CLVS2: variants seen among roughly 807,000 people sequenced by gnomAD.
The protein encoded by CLVS2 is clavesin-2.
In CLVS2, 19 loss-of-function variants were observed where a neutral mutation model predicts 29.0. That is an observed-to-expected ratio of 0.66 (90% CI 0.46 to 0.96). CLVS2 has a LOEUF of 0.96. CLVS2 is among the 40% of genes least tolerant of loss of function. The pLI, the probability that CLVS2 is intolerant of heterozygous loss-of-function variation, is 0.00. For synonymous variants in CLVS2, 161 were observed against 151.3 expected (o/e 1.06, Z -0.47); for missense variants, 294 against 404.1 (o/e 0.73, Z 2.34).
chr6:123,005,901 GTAAAA>G (rs1214548775), intron 2 of CLVS2, among the ~76,000 whole-genome samples: 2 of 152,164 alleles, frequency 1.3e-5, no homozygotes. Context: ...GTAGATATAG[GTAAAA>G]TAAAGCAGCA....
At position 123,017,985 on chromosome 6, in the gene CLVS2, C is replaced by T. The variant is rs193122608; in HGVS notation, c.564+6826C>T. On this transcript the variant is annotated intron_variant, in intron 3 of 5. Transcript: ENST00000275162. ...TACTAATTATTAATAAAATTTAATACTTCTACACCTTCAACCACTGACAAT... is the reference window on the plus strand; with the variant it reads ...TACTAATTATTAATAAAATTTAATATTTCTACACCTTCAACCACTGACAAT... Among the ~76,000 whole-genome samples the T allele has an allele frequency of 1.4e-3, 208 of 152,130 alleles. No individual in the cohort carries two copies. In the Middle Eastern group the frequency reaches 0.024, roughly 18 times the overall value.
At chr6:123,016,337 T>C (rs1021274110) in intron 3 of CLVS2, among the ~76,000 whole-genome samples, 5 of 59,982 alleles carry the variant, frequency 8.3e-5, no homozygotes, top group African/African-American at 4.1e-4. Context: ...ACGTGCTTTT[T>C]TTGGGGGGGA....
intron 2 of CLVS2, among the ~76,000 whole-genome samples, chr6:123,010,698 T>C (rs1408903790): frequency 6.6e-6 from 1 of 152,006 alleles, no homozygotes; most frequent in African/African-American, 2.4e-5. Context: ...TTTGGGTTAG[T>C]TGAATGAGAT....
chr6:123,023,559 T>C (rs982989147), intron 3 of CLVS2, among the ~76,000 whole-genome samples: 2 of 152,140 alleles, frequency 1.3e-5, no homozygotes, highest in African/African-American at 4.8e-5. Flanking sequence ...AGAGAATTGA[T>C]GTACTGTGAT....
intron 3 of CLVS2, among the ~76,000 whole-genome samples, chr6:123,015,791 C>T (rs533220916): frequency 7.0e-4 from 107 of 152,072 alleles, no homozygotes; most frequent in African/African-American, 2.4e-3. Flanking sequence ...TATTAGCCTC[C>T]CAGTTCTCTA....
At position 123,041,120 on chromosome 6, in the gene CLVS2, A is replaced by G. The variant is rs6905164; in HGVS notation, c.565-7502A>G. On this transcript the variant is annotated intron_variant, in intron 3 of 5. Transcript: ENST00000275162. ...TTAATTAGAAATAATGCCCAAGTGA[A>G]ATGATGTTGTCTGATAGGCTCCTCT... Among the ~76,000 whole-genome samples the G allele has an allele frequency of 4.4e-3, 677 of 152,246 alleles. 5 individuals are homozygous for G. The highest frequency in any genetic ancestry group is 0.015 in the African/African-American group (633 of 41,530).
chr6:123,017,663 T>C (rs969364920), intron 3 of CLVS2, among the ~76,000 whole-genome samples: 6 of 152,244 alleles, frequency 3.9e-5, no homozygotes, highest in Admixed American at 3.9e-4. Context: ...AGTAGGACGT[T>C]GTAAGTCTTT....
At chr6:123,044,569 T>C (rs1403950468) in intron 3 of CLVS2, among the ~76,000 whole-genome samples, 2 of 152,066 alleles carry the variant, frequency 1.3e-5, no homozygotes, top group Non-Finnish European at 2.9e-5. Context: ...GGTCATATTC[T>C]TGTGAAGCTT....
At chr6:123,040,531 A>C (rs1217352028) in intron 3 of CLVS2, among the ~76,000 whole-genome samples, 5 of 152,226 alleles carry the variant, frequency 3.3e-5, no homozygotes, top group Admixed American at 3.3e-4. Context: ...GCAGTGGCTT[A>C]TGCCTGTAAT....
At chr6:123,034,002 A>G (rs1192379295) in intron 3 of CLVS2, among the ~76,000 whole-genome samples, 5 of 152,116 alleles carry the variant, frequency 3.3e-5, no homozygotes, top group Non-Finnish European at 7.4e-5. Context: ...AATTAAAACC[A>G]CAGTGAGATA....
At chr6:123,049,805 G>A in intron 4 of CLVS2, among the ~76,000 whole-genome samples, 1 of 58,470 alleles carries the variant, frequency 1.7e-5, no homozygotes, top group Admixed American at 1.3e-4. Context: ...GTTGTGGGAT[G>A]GGGGGCGGGG....
At chr6:123,061,859 C>A (rs1326023172) in intron 5 of CLVS2, among the ~76,000 whole-genome samples, 1 of 149,166 alleles carries the variant, frequency 6.7e-6, no homozygotes, top group Non-Finnish European at 1.5e-5. Context: ...TAGGATATAC[C>A]TCAATATTTA....
At chr6:123,044,037 T>C (rs1156801355) in intron 3 of CLVS2, among the ~76,000 whole-genome samples, 1 of 152,210 alleles carries the variant, frequency 6.6e-6, no homozygotes, top group Non-Finnish European at 1.5e-5. Context: ...AATTGAAGCA[T>C]TGAGGCAAGT....
At chr6:123,011,470 TG>T (rs1308891770) in intron 3 of CLVS2, among the ~76,000 whole-genome samples, 1 of 152,168 alleles carries the variant, frequency 6.6e-6, no homozygotes, top group East Asian at 1.9e-4. Flanking sequence ...GGCTTGTTTT[TG>T]TTTCTTTTTT....
intron 4 of CLVS2, among the ~76,000 whole-genome samples, chr6:123,054,750 G>C (rs1772669259): frequency 1.3e-5 from 2 of 151,732 alleles, no homozygotes; most frequent in Non-Finnish European, 2.9e-5. Context: ...TTTTGAAACT[G>C]AAATGAAAGA....
chr6:123,043,253 T>C (rs1188825557), intron 3 of CLVS2, among the ~76,000 whole-genome samples: 2 of 152,210 alleles, frequency 1.3e-5, no homozygotes, highest in African/African-American at 4.8e-5. Context: ...TTCCTCTGGT[T>C]GGTAAAATTA....
intron 3 of CLVS2, among the ~76,000 whole-genome samples, chr6:123,028,406 T>C (rs1775033193): frequency 6.6e-6 from 1 of 152,178 alleles, no homozygotes; most frequent in South Asian, 2.1e-4. Flanking sequence ...ATGCCTGTAA[T>C]CCCAGCAGTT....
chr6:123,063,310 A>AT (rs1418055494), intron 5 of CLVS2, among the ~76,000 whole-genome samples: 1 of 151,938 alleles, frequency 6.6e-6, no homozygotes, highest in Non-Finnish European at 1.5e-5. Flanking sequence ...TTTCACTGTA[A>AT]TTTTTTTCCA....
At chr6:123,032,279 C>T (rs973344151) in intron 3 of CLVS2, among the ~76,000 whole-genome samples, 3 of 151,998 alleles carry the variant, frequency 2.0e-5, no homozygotes, top group African/African-American at 7.2e-5. Context: ...CTCCAGTTAT[C>T]TCACTATTTG....
Sources: allele counts gnomAD v4.1 joint callset (sites outside exome capture counted in the v4.1 genomes callset), GRCh38; gene constraint gnomAD v4.1.1; transcripts MANE v1.5; gene names NCBI Gene and HGNC (gene_info 2026-07-23, HGNC 2026-07-21).